The following SESN1 variants were observed in gnomAD, a reference collection of about 807,000 sequenced individuals.
SESN1 encodes sestrin-1.
SESN1 carries 30 observed loss-of-function variants against 59.3 expected under a neutral mutation model. The observed-to-expected ratio is 0.51, with a 90% CI of 0.38 to 0.69. The LOEUF is 0.69. Ranked by LOEUF, SESN1 falls within the 30% of genes least tolerant of loss-of-function variation. SESN1 has a pLI of 0.00. For synonymous variants in SESN1, 197 were observed against 219.9 expected (o/e 0.90, Z 0.92); for missense variants, 566 against 673.0 (o/e 0.84, Z 1.76).
At chr6:108,987,929 T>C (rs887240524) in intron 9 of SESN1, among the ~76,000 whole-genome samples, 1 of 151,742 alleles carries the variant, frequency 6.6e-6, no homozygotes, top group Non-Finnish European at 1.5e-5. Context: ...CAGCTTCCCA[T>C]GTAGCTGGGA....
chr6:108,988,500 C>T, intron 9 of SESN1, 43 bp downstream of exon 9: 1 of 1,545,122 alleles, frequency 6.5e-7, no homozygotes, highest in Non-Finnish European at 8.8e-7. Context: ...GACTACGAAT[C>T]ATTGCTAAGT....
Position 108,990,803 on chromosome 6 carries a change from C to A in SESN1, c.1266G>T (p.Leu422Phe). Reference sequence around the variant, plus strand: ...CCACATCTGGATAAAGGCGATTTACCAAAGAATAACCATGATCTTCCCAGC... The same window carrying A: ...CCACATCTGGATAAAGGCGATTTACAAAAGAATAACCATGATCTTCCCAGC... ...DYCWEDHGYS[L>F]VNRLYPDVGQ... The change falls in exon 8 of 10, where the codon TTG (leucine) becomes TTT (phenylalanine). Residue 422 changes from leucine to phenylalanine, a missense_variant. Coordinates refer to ENST00000436639, the MANE Select transcript of SESN1 (RefSeq NM_014454.3). 1.2e-6 allele frequency: 2 copies of A among 1,613,898 alleles called. No individual in the cohort carries two copies. The highest frequency in any genetic ancestry group is 1.7e-6 in the Non-Finnish European group (2 of 1,179,948).
rs1562472167 is a variant in SESN1 at position 109,064,571 on chromosome 6, GGGAGA to G, written c.279+29219_279+29223del. Among the ~76,000 whole-genome samples, 50 of 88,222 alleles carry G rather than the reference GGGAGA, an allele frequency of 5.7e-4. 1 individual carries two copies. The highest frequency in any genetic ancestry group is 1.9e-3 in the South Asian group (4 of 2,108). 57.9% of individuals were successfully genotyped at this position (88,222 alleles called of 152,430 possible). ...CAAATGAAAGAAGAGAAGAGAGGAG[GGGAGA>G]GGAGAGGAGAGGAGAGGGGAGGGGA... On this transcript the variant is annotated intron_variant, in intron 1 of 9. Coordinates refer to ENST00000436639, the MANE Select transcript of SESN1 (RefSeq NM_014454.3).
chr6:109,087,686 C>G (rs557041340), intron 1 of SESN1, among the ~76,000 whole-genome samples: 2 of 152,038 alleles, frequency 1.3e-5, no homozygotes, highest in Non-Finnish European at 2.9e-5. Flanking sequence ...TTTGGCTCCA[C>G]TAAATGGCAG....
chr6:109,053,444 G>GT (rs1780576363), intron 1 of SESN1, among the ~76,000 whole-genome samples: 2 of 152,204 alleles, frequency 1.3e-5, no homozygotes, highest in South Asian at 4.1e-4. Context: ...AAAGCATGGT[G>GT]TGGGGGAGGG....
intron 8 of SESN1, among the ~76,000 whole-genome samples, chr6:108,989,563 AGATC>A (rs1562451728): frequency 2.2e-4 from 23 of 104,942 alleles, no homozygotes; most frequent in African/African-American, 3.1e-4. Context: ...CTAGATCTCT[AGATC>A]TAGAGATATC....
chr6:109,017,230 C>T (rs12198088), intron 1 of SESN1, among the ~76,000 whole-genome samples: 15,226 of 152,104 alleles, frequency 0.1, 927 homozygotes, highest in Middle Eastern at 0.19. Context: ...AAACTTGATA[C>T]TATGTAACCA....
chr6:109,026,640 G>C (rs897615286), intron 1 of SESN1, among the ~76,000 whole-genome samples: 9 of 152,062 alleles, frequency 5.9e-5, no homozygotes, highest in African/African-American at 1.9e-4. Flanking sequence ...GAGTAGCTAG[G>C]ACTACAGGCG....
At chr6:109,002,214 G>A (rs1347011637) in intron 2 of SESN1, 64 bp downstream of exon 2, 2 of 1,406,982 alleles carry the variant, frequency 1.4e-6, no homozygotes, top group Non-Finnish European at 2.0e-6. Context: ...ATGCCAACAT[G>A]TGGGTCATGA....
At chr6:109,061,836 A>G (rs960756387) in intron 1 of SESN1, among the ~76,000 whole-genome samples, 2 of 152,180 alleles carry the variant, frequency 1.3e-5, no homozygotes, top group Non-Finnish European at 2.9e-5. Flanking sequence ...ACAAATATTT[A>G]TTTAGTTTTT....
intron 1 of SESN1, among the ~76,000 whole-genome samples, chr6:109,028,223 G>C (rs7739362): frequency 0.05 from 7,596 of 152,174 alleles, 276 homozygotes; most frequent in Non-Finnish European, 0.068. Flanking sequence ...TATGATATTT[G>C]AAAATAAATC....
intron 1 of SESN1, among the ~76,000 whole-genome samples, chr6:109,050,460 T>G (rs72937036): frequency 0.13 from 20,414 of 151,630 alleles, 1,910 homozygotes; most frequent in Non-Finnish European, 0.21. Flanking sequence ...GGAGACAGTA[T>G]GGCAAGTCTT....
intron 1 of SESN1, among the ~76,000 whole-genome samples, chr6:109,028,459 AC>A (rs1403581344): frequency 4.3e-4 from 65 of 152,184 alleles, no homozygotes; most frequent in African/African-American, 1.5e-3. Flanking sequence ...GTGTTCTGGT[AC>A]ATTTGCATGT....
rs189803606 is a variant in SESN1, at chr6:108,995,752, C to T, written c.973-1143G>A. 1.1e-4 allele frequency among the ~76,000 whole-genome samples: 16 copies of T among 152,180 alleles called. 1 individual carries two copies. In the East Asian group the frequency reaches 2.9e-3, roughly 28 times the overall value. ...TGAGCTGTGATTGTGCCACTGTATT[C>T]CAGCCTGGACAACAGAGAGAGACTT... is the stretch of plus-strand genomic sequence containing the variant. On this transcript the variant is annotated intron_variant, in intron 5 of 9. Coordinates refer to ENST00000436639, the MANE Select transcript of SESN1 (RefSeq NM_014454.3).
At chr6:109,039,027 GAGAA>G (rs1160090939) in intron 1 of SESN1, among the ~76,000 whole-genome samples, 19 of 137,934 alleles carry the variant, frequency 1.4e-4, no homozygotes, top group African/African-American at 4.6e-4. Flanking sequence ...GAAAGAAAAA[GAGAA>G]AGAAAGAAGA....
chr6:108,994,315 A>G (rs918228234), intron 6 of SESN1, 147 bp downstream of exon 6: 5 of 562,328 alleles, frequency 8.9e-6, no homozygotes, highest in Admixed American at 7.6e-5. Flanking sequence ...CTTGCTTTAA[A>G]AATTATTTGT....
At chr6:108,991,325 T>TC (rs1364090515) in intron 7 of SESN1, among the ~76,000 whole-genome samples, 1 of 152,166 alleles carries the variant, frequency 6.6e-6, no homozygotes. Flanking sequence ...CACTGCAGTC[T>TC]CCAACTGCTG....
chr6:108,998,047 G>C (rs1779537310), intron 5 of SESN1, among the ~76,000 whole-genome samples: 1 of 152,162 alleles, frequency 6.6e-6, no homozygotes, highest in Non-Finnish European at 1.5e-5. Context: ...ATTCTGAAGA[G>C]AGAAATTTCT....
chr6:109,064,631 A>T (rs1163725185), intron 1 of SESN1, among the ~76,000 whole-genome samples: 1 of 6,286 alleles, frequency 1.6e-4, no homozygotes, highest in Non-Finnish European at 3.0e-4. Context: ...AGGGGAGGGG[A>T]GGGGAGAGGA....
Sources: allele counts gnomAD v4.1 joint callset (sites outside exome capture counted in the v4.1 genomes callset), GRCh38; gene constraint gnomAD v4.1.1; transcripts MANE v1.5; gene names NCBI Gene and HGNC (gene_info 2026-07-23, HGNC 2026-07-21).